The following KLHL29 variants were observed in gnomAD, a reference collection of about 807,000 sequenced individuals.
KLHL29 encodes kelch-like protein 29.
KLHL29 carries 21 observed loss-of-function variants against 80.4 expected under a neutral mutation model. The observed-to-expected ratio is 0.26, with a 90% CI of 0.19 to 0.38. The LOEUF (loss-of-function observed/expected upper bound fraction) is 0.38, where lower values mean the gene tolerates loss of function less well. Ranked by LOEUF, KLHL29 falls within the 10% of genes least tolerant of loss-of-function variation. The pLI, the probability that KLHL29 is intolerant of heterozygous loss-of-function variation, is 1.00. For synonymous variants in KLHL29, 511 were observed against 526.8 expected (o/e 0.97, Z 0.41); for missense variants, 867 against 1,223.9 (o/e 0.71, Z 4.35).
At chr2:23,429,123 C>G (rs1333210669) in intron 1 of KLHL29, among the ~76,000 whole-genome samples, 1 of 152,254 alleles carries the variant, frequency 6.6e-6, no homozygotes, top group African/African-American at 2.4e-5. Flanking sequence ...CCAACACCAG[C>G]CTGCACTTGG....
rs575049446 is a variant in KLHL29 at position 23,695,414 on chromosome 2, C to T, written c.1543-209C>T. ...GGCTGCAGCCTGCCAGCCTCCCCTCCGCACCCCTGCGCTCCCGGCCCTCCC... is the reference window on the plus strand; with the variant it reads ...GGCTGCAGCCTGCCAGCCTCCCCTCTGCACCCCTGCGCTCCCGGCCCTCCC... On this transcript the variant is annotated intron_variant, in intron 8 of 13. Coordinates refer to ENST00000486442, the MANE Select transcript of KLHL29 (RefSeq NM_052920.2). This position sits in a 1 kb window ranked among gnomAD's most constrained non-coding sequence, Gnocchi z 7.6. Among the ~76,000 whole-genome samples the T allele has an allele frequency of 2.6e-5, 4 of 152,210 alleles. No homozygotes were observed. The East Asian group carries it at 7.7e-4, about 29-fold the overall frequency.
At chr2:23,599,825 C>T (rs761898129) in intron 3 of KLHL29, among the ~76,000 whole-genome samples, 3 of 152,196 alleles carry the variant, frequency 2.0e-5, no homozygotes, top group South Asian at 2.1e-4. Flanking sequence ...GCCCGCCCGA[C>T]GCCACGTCCC....
chr2:23,398,407 T>C (rs928596522), intron 1 of KLHL29, among the ~76,000 whole-genome samples: 1 of 151,976 alleles, frequency 6.6e-6, no homozygotes, highest in African/African-American at 2.4e-5. Context: ...GTACCTAGAG[T>C]AGTATGGATT....
intron 1 of KLHL29, among the ~76,000 whole-genome samples, chr2:23,392,410 C>T (rs1044670606): frequency 6.6e-6 from 1 of 152,108 alleles, no homozygotes; most frequent in African/African-American, 2.4e-5. Context: ...CTTTTAATTC[C>T]ATCTTTAGTA....
intron 2 of KLHL29, among the ~76,000 whole-genome samples, chr2:23,561,008 G>A (rs559831851): frequency 4.0e-4 from 61 of 152,292 alleles, no homozygotes; most frequent in African/African-American, 1.3e-3. Flanking sequence ...CTGGGAACCC[G>A]GACCTCCGGG....
chr2:23,620,833 C>T (rs1021148283), intron 3 of KLHL29, among the ~76,000 whole-genome samples: 2 of 152,186 alleles, frequency 1.3e-5, no homozygotes, highest in East Asian at 1.9e-4. Flanking sequence ...AGGCCAAGCC[C>T]GCAGAGCCGG....
chr2:23,607,896 C>T (rs745689699), intron 3 of KLHL29, among the ~76,000 whole-genome samples: 10 of 152,218 alleles, frequency 6.6e-5, no homozygotes, highest in Admixed American at 1.3e-4. Flanking sequence ...GGACCACTGC[C>T]TTAGAGAGCT....
intron 3 of KLHL29, among the ~76,000 whole-genome samples, chr2:23,628,153 A>G (rs1338570364): frequency 6.6e-6 from 1 of 151,726 alleles, no homozygotes; most frequent in East Asian, 1.9e-4. Context: ...CTCGTGATCC[A>G]CCCGCATTGG....
At chr2:23,462,294 G>A (rs1664236686) in intron 1 of KLHL29, among the ~76,000 whole-genome samples, 1 of 152,174 alleles carries the variant, frequency 6.6e-6, no homozygotes, top group Non-Finnish European at 1.5e-5. Context: ...CTGTGATCTG[G>A]AGGGAGCTCC....
intron 3 of KLHL29, among the ~76,000 whole-genome samples, chr2:23,637,245 T>A (rs1200948641): frequency 6.6e-6 from 1 of 152,212 alleles, no homozygotes; most frequent in Admixed American, 6.5e-5. Context: ...CCTCCAGGAC[T>A]GGAGAGCCTG....
At chr2:23,444,479 C>A (rs1343209193) in intron 1 of KLHL29, among the ~76,000 whole-genome samples, 1 of 152,056 alleles carries the variant, frequency 6.6e-6, no homozygotes, top group African/African-American at 2.4e-5. Flanking sequence ...CGCCTGCCAC[C>A]ATGCCCAGCT....
intron 5 of KLHL29, among the ~76,000 whole-genome samples, chr2:23,649,916 G>A (rs1201815403): frequency 6.6e-6 from 1 of 152,220 alleles, no homozygotes; most frequent in African/African-American, 2.4e-5. Context: ...ACACACGGAG[G>A]CCACTCAGGG....
In KLHL29 at chr2:23,573,641, T is replaced by A. The variant is rs76468902; in HGVS notation, c.285+11160T>A. ...ATCAGGGTTTGAAACAACCAACAAA[T>A]GTCAGGATCAAAAGGTACAAGGATC... On this transcript the variant is annotated intron_variant, in intron 3 of 13. Coordinates refer to ENST00000486442, the MANE Select transcript of KLHL29 (RefSeq NM_052920.2). Among the ~76,000 whole-genome samples the A allele has an allele frequency of 2.9e-3, 437 of 152,286 alleles. 18 individuals carry two copies. The East Asian group carries it at 0.068, about 24-fold the overall frequency.
At chr2:23,429,161 C>T (rs12327992) in intron 1 of KLHL29, among the ~76,000 whole-genome samples, 2 of 152,132 alleles carry the variant, frequency 1.3e-5, no homozygotes, top group Admixed American at 6.5e-5. Flanking sequence ...CACCCAGGCA[C>T]GCACGTGTGC....
chr2:23,703,520 GCC>G, intron 12 of KLHL29, 141 bp downstream of exon 12: 1 of 1,066,256 alleles, frequency 9.4e-7, no homozygotes, highest in Non-Finnish European at 1.3e-6. Context: ...GAGTTGCCGA[GCC>G]CCCAGCTCAG....
intron 2 of KLHL29, among the ~76,000 whole-genome samples, chr2:23,552,966 G>C (rs1043325922): frequency 6.6e-6 from 1 of 151,966 alleles, no homozygotes; most frequent in African/African-American, 2.4e-5. Context: ...CACCATGTGG[G>C]CCAGGCTGGT....
At chr2:23,601,119 A>T (rs77947606) in intron 3 of KLHL29, among the ~76,000 whole-genome samples, 1 of 151,972 alleles carries the variant, frequency 6.6e-6, no homozygotes, top group Admixed American at 6.6e-5. Context: ...CCTGCCCCCA[A>T]GTTTGCGCTC....
At chr2:23,412,668 G>A (rs1383996324) in intron 1 of KLHL29, among the ~76,000 whole-genome samples, 1 of 152,186 alleles carries the variant, frequency 6.6e-6, no homozygotes, top group Admixed American at 6.5e-5. Flanking sequence ...CATCTTGGAA[G>A]GTCTTTCAAG....
At chr2:23,495,942 T>C (rs1432852754) in intron 2 of KLHL29, among the ~76,000 whole-genome samples, 1 of 152,272 alleles carries the variant, frequency 6.6e-6, no homozygotes, top group Admixed American at 6.5e-5. Context: ...CTGCTTGTTT[T>C]TACTTACGAA....
Sources: allele counts gnomAD v4.1 joint callset (sites outside exome capture counted in the v4.1 genomes callset), GRCh38; gene constraint gnomAD v4.1.1; non-coding constraint Gnocchi (gnomAD v3.1); transcripts MANE v1.5; gene names NCBI Gene and HGNC (gene_info 2026-07-23, HGNC 2026-07-21).